Variants in ARFIP1 observed in about 807,000 individuals in gnomAD.
The protein encoded by ARFIP1 is ARF interacting protein 1.
Under a neutral mutation model 42.5 loss-of-function variants are expected in ARFIP1, and 24 were observed. The observed-to-expected ratio is 0.57, with a 90% CI of 0.41 to 0.80. ARFIP1 has a LOEUF of 0.80. Among genes scored for constraint, ARFIP1 ranks in the 30% least tolerant of loss-of-function variants. The pLI, the probability that ARFIP1 is intolerant of heterozygous loss-of-function variation, is 0.00. For synonymous variants in ARFIP1, 141 were observed against 153.7 expected (o/e 0.92, Z 0.61); for missense variants, 354 against 434.0 (o/e 0.82, Z 1.64).
At chr4:152,782,860 A>G (rs1350207178) in intron 1 of ARFIP1, among the ~76,000 whole-genome samples, 8 of 152,200 alleles carry the variant, frequency 5.3e-5, no homozygotes, top group African/African-American at 1.9e-4. Flanking sequence ...TTGCAGTTCT[A>G]AAGGTCTGAT....
chr4:152,788,383 C>T lies in ARFIP1; in HGVS notation c.-10+8157C>T, dbSNP rs539682864. Among the ~76,000 whole-genome samples the T allele has an allele frequency of 2.0e-5, 3 of 152,018 alleles. No individual in the cohort carries two copies. The South Asian group carries it at 6.3e-4, about 32-fold the overall frequency. On this transcript the variant is annotated intron_variant, in intron 1 of 8. Transcript: ENST00000353617. ...AATAGAGCTTCCCATACCCACTTTC[C>T]CCTATTATAAGATAGGCTGTGCACA...
chr4:152,782,233 T>G (rs1219470181), intron 1 of ARFIP1, among the ~76,000 whole-genome samples: 27 of 60,310 alleles, frequency 4.5e-4, no homozygotes, highest in African/African-American at 9.6e-4. Flanking sequence ...GGTGTGTGTG[T>G]GTGTGTGTGT....
chr4:152,858,258 C>T (rs1733602739), intron 2 of ARFIP1, among the ~76,000 whole-genome samples: 1 of 152,112 alleles, frequency 6.6e-6, no homozygotes, highest in African/African-American at 2.4e-5. Context: ...CACCACTGCA[C>T]TCCAGCCTGG....
At chr4:152,908,469 G>A (rs556945165) in intron 8 of ARFIP1, among the ~76,000 whole-genome samples, 6 of 152,158 alleles carry the variant, frequency 3.9e-5, no homozygotes, top group African/African-American at 1.4e-4. Flanking sequence ...AATTATCCAG[G>A]CGTGGTGGTG....
chr4:152,823,839 A>G (rs918884760), intron 1 of ARFIP1, among the ~76,000 whole-genome samples: 1 of 151,560 alleles, frequency 6.6e-6, no homozygotes, highest in African/African-American at 2.4e-5. Flanking sequence ...TTTTTCCAAA[A>G]ACTCGAGAAG....
rs537159931 is a variant in ARFIP1, at chr4:152,796,540, C to A, written c.-10+16314C>A. The A allele has an allele frequency of 3.7e-5, 29 of 776,702 alleles. No homozygotes were observed. In the East Asian group the frequency reaches 6.3e-4, roughly 17 times the overall value. 48.1% of individuals were successfully genotyped at this position (776,702 alleles called of 1,614,324 possible). Reference sequence around the variant, plus strand: ...TTCTGTTTAATCATATTGGAAAGTACTTTAGCTCGAGATTGTCTCTCTGTC... The same window carrying A: ...TTCTGTTTAATCATATTGGAAAGTAATTTAGCTCGAGATTGTCTCTCTGTC... On this transcript the variant is annotated intron_variant, in intron 1 of 8. Coordinates refer to ENST00000353617, the MANE Select transcript of ARFIP1 (RefSeq NM_001025595.3).
chr4:152,807,316 A>G (rs1729067920), intron 1 of ARFIP1: 1 of 152,086 alleles, frequency 6.6e-6, no homozygotes, highest in Admixed American at 6.6e-5. Flanking sequence ...TCATATAGTC[A>G]AGTATATATT....
chr4:152,824,259 G>A (rs1227825158), intron 1 of ARFIP1, among the ~76,000 whole-genome samples: 1 of 151,468 alleles, frequency 6.6e-6, no homozygotes, highest in African/African-American at 2.4e-5. Context: ...GTTGCAGGGA[G>A]CCTTGATCAT....
chr4:152,850,384 A>G (rs1732884786), intron 2 of ARFIP1, among the ~76,000 whole-genome samples: 1 of 152,174 alleles, frequency 6.6e-6, no homozygotes, highest in East Asian at 1.9e-4. Flanking sequence ...AGAGTTAGGG[A>G]TAAAGCAGAA....
At chr4:152,851,980 G>A (rs946278812) in intron 2 of ARFIP1, among the ~76,000 whole-genome samples, 3 of 152,112 alleles carry the variant, frequency 2.0e-5, no homozygotes, top group Admixed American at 1.3e-4. Context: ...TACCTAAAAT[G>A]TACAAAAATG....
chr4:152,898,198 G>T (rs987763421), intron 8 of ARFIP1, among the ~76,000 whole-genome samples: 1 of 151,872 alleles, frequency 6.6e-6, no homozygotes, highest in African/African-American at 2.4e-5. Context: ...TGGCCAGGCT[G>T]GTCTTGAACT....
intron 1 of ARFIP1, among the ~76,000 whole-genome samples, chr4:152,783,869 C>T (rs1730645576): frequency 6.6e-6 from 1 of 151,288 alleles, no homozygotes; most frequent in Non-Finnish European, 1.5e-5. Context: ...ACACACACAC[C>T]TACTTGAAAT....
intron 1 of ARFIP1, among the ~76,000 whole-genome samples, chr4:152,803,885 TAAAAG>T (rs373722943): frequency 1.9e-4 from 28 of 149,964 alleles, no homozygotes; most frequent in African/African-American, 6.1e-4. Flanking sequence ...AATATGGAGA[TAAAAG>T]AAACAACAGT....
At chr4:152,870,696 T>C in intron 3 of ARFIP1, 57 bp from the exon 4 acceptor site, 1 of 1,178,216 alleles carries the variant, frequency 8.5e-7, no homozygotes, top group Non-Finnish European at 1.3e-6. Context: ...ATATTCAAAA[T>C]GTACAGTATG....
intron 1 of ARFIP1, among the ~76,000 whole-genome samples, chr4:152,784,494 A>G (rs1336329105): frequency 6.6e-6 from 1 of 152,174 alleles, no homozygotes; most frequent in Non-Finnish European, 1.5e-5. Flanking sequence ...TTCCTGAAAA[A>G]GGAATATAAA....
chr4:152,831,873 A>T (rs551588848), intron 2 of ARFIP1, among the ~76,000 whole-genome samples: 66 of 152,104 alleles, frequency 4.3e-4, no homozygotes, highest in Non-Finnish European at 7.4e-4. Flanking sequence ...TCAACCCATC[A>T]TCTAGGTTTT....
chr4:152,881,243 A>C (rs1735825040), intron 6 of ARFIP1, 59 bp downstream of exon 6: 1 of 1,314,338 alleles, frequency 7.6e-7, no homozygotes, highest in Non-Finnish European at 1.1e-6. Flanking sequence ...AAGTATTCTA[A>C]GAGGTAATTT....
chr4:152,802,288 A>G (rs1163661408), intron 1 of ARFIP1, among the ~76,000 whole-genome samples: 6 of 152,180 alleles, frequency 3.9e-5, no homozygotes, highest in Non-Finnish European at 7.4e-5. Context: ...CTGAAGCCAT[A>G]ACTAAAACAG....
At chr4:152,896,516 G>A (rs987687080) in intron 8 of ARFIP1, among the ~76,000 whole-genome samples, 21 of 152,088 alleles carry the variant, frequency 1.4e-4, no homozygotes, top group African/African-American at 5.1e-4. Context: ...ACAGTATCTT[G>A]TATGTAAGAA....
Sources: gnomAD v4.1 joint callset for allele counts (sites outside exome capture counted in the v4.1 genomes callset) on GRCh38, gnomAD v4.1.1 for gene constraint, MANE v1.5 for transcripts, NCBI Gene and HGNC (gene_info 2026-07-23, HGNC 2026-07-21) for gene names.